CTIF: variants seen among roughly 807,000 people sequenced by gnomAD.
CTIF encodes cap binding complex dependent translation initiation factor, also known as CBP80/20-dependent translation initiation factor.
CTIF carries 21 observed loss-of-function variants against 66.0 expected under a neutral mutation model. That is an observed-to-expected ratio of 0.32 (90% CI 0.23 to 0.46). The LOEUF is 0.46. Among genes scored for constraint, CTIF ranks in the 20% least tolerant of loss-of-function variants. CTIF has a pLI of 1.00. For synonymous variants in CTIF, 345 were observed against 326.4 expected, an observed-to-expected ratio of 1.06 and a Z score of -0.62; for missense variants, 739 against 812.7, an observed-to-expected ratio of 0.91 and a Z score of 1.10.
At chr18:48,781,554 C>A (rs1291597146) in intron 9 of CTIF, among the ~76,000 whole-genome samples, 1 of 152,104 alleles carries the variant, frequency 6.6e-6, no homozygotes, top group Non-Finnish European at 1.5e-5. Flanking sequence ...TGGCTGGAGC[C>A]GGGCGGTCTG....
At chr18:48,581,235 T>TTTG (rs538070910) in intron 1 of CTIF, among the ~76,000 whole-genome samples, 5 of 146,794 alleles carry the variant, frequency 3.4e-5, no homozygotes, top group East Asian at 1.9e-4. Flanking sequence ...TTGGGTTTTT[T>TTTG]TTGTTGTTGT....
At chr18:48,734,206 G>A (rs564132217) in intron 7 of CTIF, among the ~76,000 whole-genome samples, 1 of 152,302 alleles carries the variant, frequency 6.6e-6, no homozygotes, top group East Asian at 1.9e-4. Flanking sequence ...GGAGACCCTC[G>A]GCTGCACCTT....
intron 7 of CTIF, among the ~76,000 whole-genome samples, chr18:48,717,667 A>G (rs56174966): frequency 6.6e-6 from 1 of 152,028 alleles, no homozygotes; most frequent in Non-Finnish European, 1.5e-5. Flanking sequence ...CAATTAAAAA[A>G]AATTTAAAGA....
chr18:48,829,364 G>A (rs1437047395), intron 10 of CTIF, among the ~76,000 whole-genome samples: 1 of 152,100 alleles, frequency 6.6e-6, no homozygotes, highest in Non-Finnish European at 1.5e-5. Context: ...GGTCTGGTTG[G>A]GAGGACTGGT....
chr18:48,551,627 A>G (rs898561477), intron 1 of CTIF, among the ~76,000 whole-genome samples: 3 of 152,084 alleles, frequency 2.0e-5, no homozygotes, highest in Non-Finnish European at 4.4e-5. Flanking sequence ...TACACCTGAA[A>G]AGTTAGCATT....
chr18:48,574,834 C>T (rs1312907045), intron 1 of CTIF, among the ~76,000 whole-genome samples: 1 of 152,170 alleles, frequency 6.6e-6, no homozygotes, highest in South Asian at 2.1e-4. Flanking sequence ...CTGTCAGAGA[C>T]CCAGCTCTTG....
chr18:48,588,026 CT>C (rs1035228960), intron 1 of CTIF, among the ~76,000 whole-genome samples: 8 of 152,166 alleles, frequency 5.3e-5, no homozygotes, highest in African/African-American at 1.9e-4. Context: ...CTCATCCCAC[CT>C]TTTCCTTCTC....
chr18:48,617,043 G>C (rs1336892992), intron 1 of CTIF, among the ~76,000 whole-genome samples: 2 of 152,224 alleles, frequency 1.3e-5, no homozygotes, highest in Admixed American at 6.5e-5. Flanking sequence ...CTGAAGTCAA[G>C]TTGTTAGCCA....
chr18:48,817,610 T>A lies in CTIF; in HGVS notation c.1527+234T>A, dbSNP rs532006429. ...GGCAAACACGATGAAACCCCATCTCTACTAAAAATGCAAAAATTAACCAGG... is the reference window on the plus strand; with the variant it reads ...GGCAAACACGATGAAACCCCATCTCAACTAAAAATGCAAAAATTAACCAGG... On this transcript the variant is annotated intron_variant, in intron 10 of 11. Coordinates refer to ENST00000256413, the MANE Select transcript of CTIF (RefSeq NM_014772.3). 2.0e-5 allele frequency among the ~76,000 whole-genome samples: 3 copies of A among 152,146 alleles called. No homozygotes were observed. The South Asian group carries it at 6.2e-4, about 32-fold the overall frequency.
intron 6 of CTIF, among the ~76,000 whole-genome samples, chr18:48,690,085 G>A (rs1345793005): frequency 6.6e-6 from 1 of 152,136 alleles, no homozygotes; most frequent in Non-Finnish European, 1.5e-5. Flanking sequence ...TAAGAAGGTA[G>A]GATTCCTCAG....
intron 9 of CTIF, among the ~76,000 whole-genome samples, chr18:48,764,951 C>T (rs1260191444): frequency 2.0e-5 from 3 of 152,230 alleles, no homozygotes. Flanking sequence ...CCCCCTGACT[C>T]CAAGGCCCAG....
intron 7 of CTIF, among the ~76,000 whole-genome samples, chr18:48,718,433 G>C (rs2092301608): frequency 6.6e-6 from 1 of 152,166 alleles, no homozygotes; most frequent in African/African-American, 2.4e-5. Flanking sequence ...AGAGAACCAG[G>C]AAAGCCAGTG....
At chr18:48,721,308 C>T (rs2092332891) in intron 7 of CTIF, among the ~76,000 whole-genome samples, 1 of 152,206 alleles carries the variant, frequency 6.6e-6, no homozygotes, top group African/African-American at 2.4e-5. Flanking sequence ...ATGCCATTTC[C>T]CCAAGGTCTG....
chr18:48,733,878 C>G (rs1023431439), intron 7 of CTIF, among the ~76,000 whole-genome samples: 1 of 152,228 alleles, frequency 6.6e-6, no homozygotes, highest in Admixed American at 6.5e-5. Context: ...TCCCTTCCCC[C>G]AGTCTCTCAG....
At chr18:48,647,503 G>A (rs1229817818) in intron 3 of CTIF, among the ~76,000 whole-genome samples, 5 of 152,212 alleles carry the variant, frequency 3.3e-5, no homozygotes, top group Non-Finnish European at 7.3e-5. Context: ...TTTCCCCATG[G>A]AGGGAAACTG....
chr18:48,699,392 A>ATGGGGCTGGGGC (rs61519043), intron 6 of CTIF, among the ~76,000 whole-genome samples: 26,192 of 104,444 alleles, frequency 0.25, 3,795 homozygotes, highest in Middle Eastern at 0.35. Flanking sequence ...AAGTGCCAGC[A>ATGGGGCTGGGGC]TGGGGCTGGG....
chr18:48,664,700 C>T (rs2091406677), intron 5 of CTIF, 149 bp downstream of exon 5: 2 of 643,652 alleles, frequency 3.1e-6, no homozygotes, highest in Non-Finnish European at 5.4e-6. Context: ...GAGCTGCAGG[C>T]TCACTGGCTT....
chr18:48,747,180 C>T (rs993851998), intron 7 of CTIF, among the ~76,000 whole-genome samples: 5 of 152,202 alleles, frequency 3.3e-5, no homozygotes, highest in Admixed American at 2.6e-4. Flanking sequence ...GGGGAGAGGC[C>T]AGCCTGAGAA....
chr18:48,555,998 G>A (rs1355924590), intron 1 of CTIF, among the ~76,000 whole-genome samples: 1 of 152,196 alleles, frequency 6.6e-6, no homozygotes, highest in Non-Finnish European at 1.5e-5. Context: ...GAGGCAGGCA[G>A]GACTTTCAGC....
Sources: allele counts gnomAD v4.1 joint callset (sites outside exome capture counted in the v4.1 genomes callset), GRCh38; gene constraint gnomAD v4.1.1; transcripts MANE v1.5; gene names NCBI Gene and HGNC (gene_info 2026-07-23, HGNC 2026-07-21).